PBX3: variants seen among roughly 807,000 people sequenced by gnomAD.
The protein encoded by PBX3 is PBX homeobox 3, also known as pre-B-cell leukemia transcription factor 3.
In PBX3, 14 loss-of-function variants were observed where a neutral mutation model predicts 48.5. The ratio of observed to expected loss-of-function variants is 0.29; its 90% CI spans 0.19 to 0.45. PBX3 has a LOEUF of 0.45. PBX3 is among the 20% of genes least tolerant of loss of function. PBX3 has a pLI of 1.00. For synonymous variants in PBX3, 210 were observed against 200.3 expected, an observed-to-expected ratio of 1.05 and a Z score of -0.41; for missense variants, 386 against 546.7, an observed-to-expected ratio of 0.71 and a Z score of 2.93.
intron 2 of PBX3, among the ~76,000 whole-genome samples, chr9:125,769,541 G>A (rs1836888458): frequency 6.6e-6 from 1 of 152,176 alleles, no homozygotes. Context: ...TGATCCTAAA[G>A]GCAACAGAAT....
At chr9:125,762,513 G>C (rs918253525) in intron 2 of PBX3, among the ~76,000 whole-genome samples, 1 of 152,096 alleles carries the variant, frequency 6.6e-6, no homozygotes, top group African/African-American at 2.4e-5. Flanking sequence ...TTGCATTCCA[G>C]AAATTAAGTC....
In PBX3 at chr9:125,934,978, A is replaced by C. The variant is rs113821498; in HGVS notation, c.708-494A>C. 1.8e-3 allele frequency among the ~76,000 whole-genome samples: 279 copies of C among 152,294 alleles called. 2 individuals carry two copies. Among genetic ancestry groups the C allele is most frequent in the African/African-American group, 6.2e-3 (258 of 41,552 alleles). ...AAAACCTTTAATAGTTTCCTATTGC[A>C]CTCAGCATAAAATCCAAAACTTCTT... is the stretch of plus-strand genomic sequence containing the variant. On this transcript the variant is annotated intron_variant, in intron 4 of 8. Transcript: ENST00000373489.
At chr9:125,834,422 A>G (rs1024715287) in intron 2 of PBX3, among the ~76,000 whole-genome samples, 3 of 151,558 alleles carry the variant, frequency 2.0e-5, no homozygotes, top group African/African-American at 7.3e-5. Context: ...TTTTTTTGAG[A>G]CCGAGTCTCA....
chr9:125,860,750 G>A (rs1839841538), intron 2 of PBX3, among the ~76,000 whole-genome samples: 1 of 151,794 alleles, frequency 6.6e-6, no homozygotes, highest in Admixed American at 6.6e-5. Flanking sequence ...AATTAGGCAT[G>A]TTGGCAGGCA....
intron 2 of PBX3, among the ~76,000 whole-genome samples, chr9:125,894,897 ATG>A (rs1347537297): frequency 3.9e-5 from 6 of 152,224 alleles, no homozygotes; most frequent in Middle Eastern, 6.8e-3. Context: ...AGTTGTGAAA[ATG>A]GACTTTGCTA....
chr9:125,806,639 A>C (rs374479807), intron 2 of PBX3, among the ~76,000 whole-genome samples: 1 of 152,178 alleles, frequency 6.6e-6, no homozygotes. Flanking sequence ...TTTGTGGATT[A>C]GGTTTCAGTA....
intron 2 of PBX3, among the ~76,000 whole-genome samples, chr9:125,805,156 A>T (rs913629677): frequency 6.6e-6 from 1 of 151,988 alleles, no homozygotes; most frequent in Non-Finnish European, 1.5e-5. Flanking sequence ...CTGGTGGATG[A>T]GAAGGAGCAG....
At chr9:125,813,354 A>C (rs1838353158) in intron 2 of PBX3, among the ~76,000 whole-genome samples, 1 of 152,168 alleles carries the variant, frequency 6.6e-6, no homozygotes, top group Admixed American at 6.5e-5. Flanking sequence ...TCAAAATATC[A>C]GTAGGTGATA....
chr9:125,896,567 T>C (rs1204551117), intron 2 of PBX3, among the ~76,000 whole-genome samples: 1 of 152,114 alleles, frequency 6.6e-6, no homozygotes, highest in East Asian at 1.9e-4. Context: ...ACTGATTTGA[T>C]ACTCGTAAAA....
intron 2 of PBX3, among the ~76,000 whole-genome samples, chr9:125,856,623 A>G (rs1839731521): frequency 6.6e-6 from 1 of 152,228 alleles, no homozygotes; most frequent in African/African-American, 2.4e-5. Flanking sequence ...CCCGTTTGGC[A>G]GTATTAATCG....
intron 2 of PBX3, among the ~76,000 whole-genome samples, chr9:125,814,449 C>T (rs904807709): frequency 6.6e-6 from 1 of 152,108 alleles, no homozygotes; most frequent in Non-Finnish European, 1.5e-5. Context: ...GCCGTAAGTG[C>T]TGTGAGCTAC....
rs751799087 is a variant in PBX3 at position 125,747,633 on chromosome 9, C to T, written c.180C>T (p.Ser60=). Residue 60 remains serine, a synonymous_variant, in exon 1 of 9, where the codon AGC becomes AGT. Coordinates refer to ENST00000373489, the MANE Select transcript of PBX3 (RefSeq NM_006195.6). ...AGATCATGACCATCACCGACCAGAG[C>T]TTGGACGAGGCGCAAGCAAAGTTGG... ...LHQIMTITDQ[S]LDEAQAKKHA... 183 of 1,593,402 alleles carry T rather than the reference C, an allele frequency of 1.1e-4. No homozygotes were observed. Among genetic ancestry groups the T allele is most frequent in the Non-Finnish European group, 1.5e-4 (180 of 1,170,446 alleles).
intron 4 of PBX3, 123 bp from the exon 5 acceptor site, chr9:125,935,349 A>G (rs1431651510): frequency 2.6e-6 from 2 of 775,938 alleles, no homozygotes; most frequent in East Asian, 2.7e-5. Flanking sequence ...TCACAGAAAT[A>G]AATTAGACCT....
intron 2 of PBX3, among the ~76,000 whole-genome samples, chr9:125,802,803 CGAGT>C (rs1838000026): frequency 6.6e-6 from 1 of 151,650 alleles, no homozygotes; most frequent in African/African-American, 2.4e-5. Flanking sequence ...TTCAGCCTCC[CGAGT>C]AGCTGGGATT....
intron 2 of PBX3, among the ~76,000 whole-genome samples, chr9:125,767,047 G>A (rs193276740): frequency 6.6e-6 from 1 of 152,274 alleles, no homozygotes; most frequent in East Asian, 1.9e-4. Context: ...ATCAACCACT[G>A]ATGTGTTGCT....
intron 2 of PBX3, among the ~76,000 whole-genome samples, chr9:125,902,965 ATTC>A (rs1840984542): frequency 6.6e-6 from 1 of 151,714 alleles, no homozygotes; most frequent in South Asian, 2.1e-4. Flanking sequence ...TGAATAAGTA[ATTC>A]TTCTGCTATC....
At chr9:125,804,962 A>G (rs1838077931) in intron 2 of PBX3, among the ~76,000 whole-genome samples, 1 of 62,382 alleles carries the variant, frequency 1.6e-5, no homozygotes, top group Non-Finnish European at 4.6e-5. Flanking sequence ...AAAAAAAAAA[A>G]AAAAGAAGAA....
chr9:125,951,545 A>G (rs559626436), intron 5 of PBX3, among the ~76,000 whole-genome samples: 1 of 152,272 alleles, frequency 6.6e-6, no homozygotes, highest in East Asian at 1.9e-4. Context: ...TGGCCTTCAG[A>G]GGGTTTTGTT....
At chr9:125,769,093 C>T (rs1836875531) in intron 2 of PBX3, among the ~76,000 whole-genome samples, 1 of 152,048 alleles carries the variant, frequency 6.6e-6, no homozygotes, top group Non-Finnish European at 1.5e-5. Flanking sequence ...ATTAAAAAGA[C>T]ACAGTGAAGG....
Sources: gnomAD v4.1 joint callset for allele counts (sites outside exome capture counted in the v4.1 genomes callset) on GRCh38, gnomAD v4.1.1 for gene constraint, MANE v1.5 for transcripts, NCBI Gene and HGNC (gene_info 2026-07-23, HGNC 2026-07-21) for gene names.